Variants in MATR3 observed in about 807,000 individuals in gnomAD.
MATR3 encodes the protein matrin-3.
Under a neutral mutation model 85.5 loss-of-function variants are expected in MATR3, and 4 were observed. That is an observed-to-expected ratio of 0.05 (90% CI 0.02 to 0.11). The LOEUF is 0.11. Among genes scored for constraint, MATR3 ranks in the 10% least tolerant of loss-of-function variants. The pLI, the probability that MATR3 is intolerant of heterozygous loss-of-function variation, is 1.00. For missense variants in MATR3, 685 were observed against 1,016.1 expected, an observed-to-expected ratio of 0.67 and a Z score of 4.43; for synonymous variants, 336 against 343.1, an observed-to-expected ratio of 0.98 and a Z score of 0.23.
chr5:139,318,010 G>A (rs183682651), intron 7 of MATR3, among the ~76,000 whole-genome samples: 47 of 152,282 alleles, frequency 3.1e-4, no homozygotes, highest in Admixed American at 2.3e-3. Flanking sequence ...CCAAAATGAT[G>A]GTTTCAAGTC....
At position 139,311,750 on chromosome 5, in the gene MATR3, C is replaced by CTTTTTTTTT. The variant is rs552172719; in HGVS notation, c.913-2898_913-2890dup. ...TTAATTGGTATTTGTTTAATTAATC[C>CTTTTTTTTT]TTTTTTTTTTTTTTTTTTTTTTTTT... is the stretch of plus-strand genomic sequence containing the variant. On this transcript the variant is annotated intron_variant, in intron 2 of 14. Coordinates refer to ENST00000394805, the MANE Select transcript of MATR3 (RefSeq NM_018834.6). 45 of 65,234 alleles carry CTTTTTTTTT rather than the reference C, an allele frequency of 6.9e-4. 2 individuals carry two copies. Among genetic ancestry groups the CTTTTTTTTT allele is most frequent in the African/African-American group, 1.7e-3 (26 of 15,364 alleles). The allele number at this position is 65,234 out of a possible 1,614,324, so 4.0% of individuals were successfully genotyped here.
intron 1 of MATR3, among the ~76,000 whole-genome samples, chr5:139,300,364 C>G (rs994196618): frequency 6.6e-6 from 1 of 152,228 alleles, no homozygotes; most frequent in Non-Finnish European, 1.5e-5. Flanking sequence ...GACTCTGTCT[C>G]AAAAACAAAA....
intron 1 of MATR3, among the ~76,000 whole-genome samples, chr5:139,302,801 T>C (rs1012083619): frequency 6.6e-5 from 10 of 152,228 alleles, no homozygotes; most frequent in African/African-American, 2.4e-4. Context: ...TATTTTCACA[T>C]GAATAAGCTA....
rs754641797 is a variant in MATR3, at chr5:139,308,156, C to A, written c.741C>A (p.Asp247Glu). 6.2e-7 allele frequency: 1 copy of A among 1,613,888 alleles called. No homozygotes were observed. The highest frequency in any genetic ancestry group is 8.5e-7 in the Non-Finnish European group (1 of 1,179,912). ...CCTCGCATAACTATCATAAATTTGA[C>A]AGTGAGTATGAGAGAATGGGACGTG... ...GETSHNYHKFDSEYERMGRGP... is the reference protein window; with the variant it reads ...GETSHNYHKFESEYERMGRGP... Residue 247 changes from aspartate (D) to glutamate (E), a missense_variant, in exon 2 of 15, where the codon GAC becomes GAA. By Grantham distance (45) the Asp-to-Glu change is conservative. Transcript: ENST00000394805.
At chr5:139,317,533 G>A (rs947162274) in intron 6 of MATR3, 63 bp from the exon 7 acceptor site, 15 of 1,511,432 alleles carry the variant, frequency 9.9e-6, no homozygotes, top group South Asian at 4.5e-5. Flanking sequence ...GTCCTAATGC[G>A]TAATTGGTTT....
chr5:139,318,645 G>A (rs1755381195), intron 7 of MATR3, among the ~76,000 whole-genome samples: 2 of 152,242 alleles, frequency 1.3e-5, no homozygotes, highest in African/African-American at 4.8e-5. Context: ...GTTTCACCAT[G>A]TTGGTCGGCC....
upstream of MATR3, among the ~76,000 whole-genome samples, chr5:139,292,232 G>A (rs1753899232): frequency 1.3e-5 from 2 of 152,084 alleles, no homozygotes; most frequent in African/African-American, 4.8e-5. Flanking sequence ...AAAGTGGTGG[G>A]ATTACAGGCG....
chr5:139,311,382 G>T (rs939917315), intron 2 of MATR3: 1 of 152,082 alleles, frequency 6.6e-6, no homozygotes, highest in Admixed American at 6.6e-5. Context: ...AGAGTCCAGG[G>T]ATATATATTT....
chr5:139,323,062 A>G (rs919678516), intron 12 of MATR3, 95 bp downstream of exon 12: 2 of 1,230,350 alleles, frequency 1.6e-6, no homozygotes, highest in African/African-American at 1.5e-5. Context: ...GAATTATATG[A>G]TTTAAATCAG....
intron 2 of MATR3, among the ~76,000 whole-genome samples, chr5:139,276,980 CAG>C (rs1753301202): frequency 6.6e-6 from 1 of 152,110 alleles, no homozygotes; most frequent in Non-Finnish European, 1.5e-5. Flanking sequence ...TTTGGGCTGA[CAG>C]TATATTTGCT....
chr5:139,309,877 T>G (rs970771689), intron 2 of MATR3, among the ~76,000 whole-genome samples: 2 of 152,202 alleles, frequency 1.3e-5, no homozygotes, highest in African/African-American at 2.4e-5. Flanking sequence ...TCTTGCCTGT[T>G]TATAAGGAAA....
intron 3 of MATR3, among the ~76,000 whole-genome samples, chr5:139,288,226 CAACA>C (rs1753768303): frequency 1.3e-5 from 2 of 151,798 alleles, no homozygotes. Context: ...ACAAACAAAC[CAACA>C]AACAAAAACC....
At chr5:139,303,816 C>G (rs193105994) in intron 1 of MATR3, among the ~76,000 whole-genome samples, 10 of 152,062 alleles carry the variant, frequency 6.6e-5, no homozygotes, top group African/African-American at 2.4e-4. Flanking sequence ...AGTTAGCTTG[C>G]GCTTATTTTA....
chr5:139,280,187 G>T (rs142706084), intron 3 of MATR3: 8 of 152,294 alleles, frequency 5.3e-5, no homozygotes, highest in African/African-American at 1.9e-4. Flanking sequence ...ATTATTTATG[G>T]ACACTGAATT....
rs1203455957 is a variant in MATR3, at chr5:139,322,702, A to C, written c.1883A>C (p.Glu628Ala). The C allele has an allele frequency of 6.2e-7, 1 of 1,614,094 alleles. No homozygotes were observed. Among genetic ancestry groups the C allele is most frequent in the African/African-American group, 1.3e-5 (1 of 74,946 alleles). ...TESSTEGKEQEEKSGEDGEKD... is the reference protein window; with the variant it reads ...TESSTEGKEQAEKSGEDGEKD... The stretch of plus-strand genomic sequence containing the variant: ...AGTTCAACCGAAGGTAAAGAACAAG[A>C]AGAGAAGTCCGGTGAAGATGGTGAG... The change falls in exon 12 of 15, where the codon GAA (glutamate) becomes GCA (alanine). Residue 628 changes from glutamate to alanine, a missense_variant. By Grantham distance (107) the Glu-to-Ala change is moderately radical. Around this residue, in one of 9 missense-constraint regions of MATR3, gnomAD observed 215 missense variants for 194.7 expected, o/e 1.10. Transcript: ENST00000394805.
chr5:139,289,816 A>G (rs547264497), upstream of MATR3, among the ~76,000 whole-genome samples: 3 of 152,204 alleles, frequency 2.0e-5, no homozygotes, highest in Non-Finnish European at 2.9e-5. Flanking sequence ...AATTTTCTGC[A>G]TTGAGTACTT....
At chr5:139,292,756 G>A (rs562084534), upstream of MATR3, among the ~76,000 whole-genome samples, 4 of 152,126 alleles carry the variant, frequency 2.6e-5, no homozygotes, top group Non-Finnish European at 2.9e-5. Context: ...TGGCTAACAC[G>A]GTGAAACCCC....
chr5:139,310,221 A>G (rs908647384), intron 2 of MATR3: 16 of 152,196 alleles, frequency 1.1e-4, no homozygotes, highest in African/African-American at 3.6e-4. Context: ...CAAGAGTAAG[A>G]TACACTACCC....
chr5:139,293,497 A>C (rs1753954226), upstream of MATR3: 1 of 154,412 alleles, frequency 6.5e-6, no homozygotes, highest in African/African-American at 2.4e-5. Context: ...CGAACTCGTA[A>C]GCCACGTCTG....
Sources: allele counts gnomAD v4.1 joint callset (sites outside exome capture counted in the v4.1 genomes callset), GRCh38; gene constraint gnomAD v4.1.1; regional missense constraint gnomAD v4.1.1; transcripts MANE v1.5; gene names NCBI Gene and HGNC (gene_info 2026-07-23, HGNC 2026-07-21).